KLHL1: variants seen among roughly 807,000 people sequenced by gnomAD.
The protein encoded by KLHL1 is kelch-like protein 1.
KLHL1 carries 47 observed loss-of-function variants against 77.7 expected under a neutral mutation model. That is an observed-to-expected ratio of 0.60 (90% confidence interval 0.48 to 0.77). The LOEUF (loss-of-function observed/expected upper bound fraction) is 0.77. Among genes scored for constraint, KLHL1 ranks in the 30% least tolerant of loss-of-function variants. The pLI, the probability that KLHL1 is intolerant of heterozygous loss-of-function variation, is 0.00. For synonymous variants in KLHL1, 360 were observed against 325.2 expected, an observed-to-expected ratio of 1.11 and a Z score of -1.15; for missense variants, 925 against 910.8, an observed-to-expected ratio of 1.02 and a Z score of -0.20.
At chr13:69,983,589 A>AAAAAAAAAAAAG (rs1216543322) in intron 1 of KLHL1, among the ~76,000 whole-genome samples, 4 of 132,166 alleles carry the variant, frequency 3.0e-5, no homozygotes, top group Non-Finnish European at 4.5e-5. Context: ...AAAAAAAAAA[A>AAAAAAAAAAAAG]AAGAAGAAGA....
intron 5 of KLHL1, among the ~76,000 whole-genome samples, chr13:69,872,273 G>T (rs926496360): frequency 5.1e-4 from 78 of 152,190 alleles, no homozygotes; most frequent in African/African-American, 1.7e-3. Flanking sequence ...GGACTCCAGG[G>T]ATTACAGTAA....
chr13:70,015,515 A>C (rs1885635893), intron 1 of KLHL1, among the ~76,000 whole-genome samples: 1 of 152,224 alleles, frequency 6.6e-6, no homozygotes, highest in Admixed American at 6.5e-5. Flanking sequence ...ATTTTTTGAC[A>C]GTGCAAAAGC....
intron 5 of KLHL1, among the ~76,000 whole-genome samples, chr13:69,852,318 C>T (rs1458739944): frequency 6.6e-6 from 1 of 151,918 alleles, no homozygotes; most frequent in Non-Finnish European, 1.5e-5. Context: ...TCCCTTACTT[C>T]TCCCACATTT....
At chr13:69,942,027 A>G (rs1335169511) in intron 3 of KLHL1, among the ~76,000 whole-genome samples, 1 of 152,114 alleles carries the variant, frequency 6.6e-6, no homozygotes, top group Non-Finnish European at 1.5e-5. Context: ...AGACATTCAA[A>G]GGAGAGTTGG....
chr13:69,872,302 T>A (rs1307052255), intron 5 of KLHL1, among the ~76,000 whole-genome samples: 1 of 152,118 alleles, frequency 6.6e-6, no homozygotes, highest in African/African-American at 2.4e-5. Flanking sequence ...ACATGAGCAA[T>A]CGGCCTGTTT....
In KLHL1 at chr13:69,919,980, C is replaced by T. The variant is rs114462489; in HGVS notation, c.1014+20060G>A. Among the ~76,000 whole-genome samples the T allele has an allele frequency of 8.5e-3, 1,289 of 152,160 alleles. 10 individuals are homozygous for T. Among genetic ancestry groups the T allele is most frequent in the African/African-American group, 0.028 (1,177 of 41,508 alleles). On this transcript the variant is annotated intron_variant, in intron 4 of 10. Coordinates refer to ENST00000377844, the MANE Select transcript of KLHL1 (RefSeq NM_020866.3). ...CTTCTTCACATAACTCACTTGCTTG[C>T]TTGTATCATGATGTAAATTAAAGAA...
intron 1 of KLHL1, among the ~76,000 whole-genome samples, chr13:70,020,237 T>C (rs1885755730): frequency 1.3e-5 from 2 of 152,136 alleles, no homozygotes; most frequent in Non-Finnish European, 2.9e-5. Flanking sequence ...ATACATAAAC[T>C]GAGGTTGGAA....
intron 1 of KLHL1, among the ~76,000 whole-genome samples, chr13:70,057,778 G>A (rs1225851292): frequency 1.1e-4 from 6 of 56,616 alleles, no homozygotes; most frequent in East Asian, 6.1e-4. Flanking sequence ...GCGAGACTCC[G>A]TCTCAAAAAA....
At chr13:70,001,295 T>C (rs1388312126) in intron 1 of KLHL1, among the ~76,000 whole-genome samples, 1 of 151,136 alleles carries the variant, frequency 6.6e-6, no homozygotes, top group Non-Finnish European at 1.5e-5. Context: ...TTCAAAATTA[T>C]TTGACTTACG....
At chr13:70,068,912 T>C (rs912741951) in intron 1 of KLHL1, among the ~76,000 whole-genome samples, 1 of 152,132 alleles carries the variant, frequency 6.6e-6, no homozygotes, top group Non-Finnish European at 1.5e-5. Flanking sequence ...ACAAGGTTCT[T>C]ACTGTGAAGA....
chr13:69,868,303 T>C (rs1880448472), intron 5 of KLHL1, among the ~76,000 whole-genome samples: 1 of 152,066 alleles, frequency 6.6e-6, no homozygotes, highest in South Asian at 2.1e-4. Context: ...ATACACAACA[T>C]ATATTTAAAA....
At chr13:70,082,232 T>C (rs1199755880) in intron 1 of KLHL1, among the ~76,000 whole-genome samples, 1 of 151,800 alleles carries the variant, frequency 6.6e-6, no homozygotes, top group Non-Finnish European at 1.5e-5. Context: ...CAGTTTCAAG[T>C]ATTTCTTTAT....
At chr13:69,907,003 A>AT (rs1882066950) in intron 4 of KLHL1, among the ~76,000 whole-genome samples, 1 of 151,984 alleles carries the variant, frequency 6.6e-6, no homozygotes, top group African/African-American at 2.4e-5. Flanking sequence ...CACATTAATA[A>AT]TATTGTCTAT....
At chr13:69,903,630 CTTTTTTTTT>C (rs35761520) in intron 4 of KLHL1, among the ~76,000 whole-genome samples, 13 of 50,204 alleles carry the variant, frequency 2.6e-4, no homozygotes, top group African/African-American at 7.7e-4. Flanking sequence ...TGTTCACATT[CTTTTTTTTT>C]TTTTTTTTTT....
intron 1 of KLHL1, among the ~76,000 whole-genome samples, chr13:69,978,071 T>A (rs140581076): frequency 1.3e-5 from 2 of 152,132 alleles, no homozygotes; most frequent in African/African-American, 2.4e-5. Flanking sequence ...GTTCGCAAAT[T>A]ACAACCCCAG....
intron 7 of KLHL1, among the ~76,000 whole-genome samples, chr13:69,746,345 TA>T (rs753434101): frequency 4.7e-5 from 7 of 149,978 alleles, no homozygotes; most frequent in Non-Finnish European, 8.9e-5. Context: ...ATTTGGCATT[TA>T]AAATTCTTCT....
chr13:69,848,337 C>A (rs908853377), intron 5 of KLHL1, among the ~76,000 whole-genome samples: 7 of 151,426 alleles, frequency 4.6e-5, no homozygotes, highest in African/African-American at 1.7e-4. Flanking sequence ...CCTTAGTTTC[C>A]ACAAGTGGGA....
intron 1 of KLHL1, among the ~76,000 whole-genome samples, chr13:70,004,532 C>CCACGTTT (rs1885364188): frequency 6.6e-6 from 1 of 151,642 alleles, no homozygotes; most frequent in East Asian, 1.9e-4. Flanking sequence ...CCTGACTAGT[C>CCACGTTT]CACGTTTCCT....
intron 9 of KLHL1, 122 bp from the exon 10 acceptor site, chr13:69,707,918 C>A: frequency 1.4e-6 from 1 of 694,288 alleles, no homozygotes. Flanking sequence ...TCTCTAAAGG[C>A]TCAATCATTT....
Sources: allele counts gnomAD v4.1 joint callset (sites outside exome capture counted in the v4.1 genomes callset), GRCh38; gene constraint gnomAD v4.1.1; transcripts MANE v1.5; gene names NCBI Gene and HGNC (gene_info 2026-07-23, HGNC 2026-07-21).